The following COG5 variants were observed in gnomAD, a reference collection of about 807,000 sequenced individuals.
The protein encoded by COG5 is conserved oligomeric Golgi complex subunit 5.
In COG5, 86 loss-of-function variants were observed where a neutral mutation model predicts 110.4. That is an observed-to-expected ratio of 0.78 (90% CI 0.65 to 0.93). COG5 has a LOEUF of 0.93. Among genes scored for constraint, COG5 ranks in the 40% least tolerant of loss-of-function variants. The pLI is 0.00. For missense variants in COG5, 1,077 were observed against 987.0 expected (o/e 1.09, Z -1.22); for synonymous variants, 360 against 334.6 (o/e 1.08, Z -0.83).
intron 7 of COG5, among the ~76,000 whole-genome samples, chr7:107,388,002 TGGTAATAATCAA>T (rs983221916): frequency 1.3e-5 from 2 of 152,254 alleles, no homozygotes; most frequent in African/African-American, 2.4e-5. Context: ...CATTGGCTTA[TGGTAATAATCAA>T]GCAGACCTTC....
At chr7:107,478,324 TA>T (rs1228864168) in intron 6 of COG5, among the ~76,000 whole-genome samples, 1 of 151,972 alleles carries the variant, frequency 6.6e-6, no homozygotes, top group Admixed American at 6.6e-5. Flanking sequence ...CCATTCATGA[TA>T]ATTCTGTACT....
intron 8 of COG5, among the ~76,000 whole-genome samples, chr7:107,369,384 C>CTTTTTTTT (rs567770114): frequency 2.9e-5 from 3 of 103,162 alleles, no homozygotes; most frequent in Non-Finnish European, 3.7e-5. Flanking sequence ...AACAAAAATT[C>CTTTTTTTT]TTTTTTTTTT....
At chr7:107,444,959 G>C (rs533347257) in intron 6 of COG5, among the ~76,000 whole-genome samples, 1 of 152,084 alleles carries the variant, frequency 6.6e-6, no homozygotes, top group Non-Finnish European at 1.5e-5. Flanking sequence ...AGGCCAAGGC[G>C]GGGGAACTGT....
At chr7:107,489,661 T>G (rs1797866291) in intron 6 of COG5, among the ~76,000 whole-genome samples, 1 of 152,200 alleles carries the variant, frequency 6.6e-6, no homozygotes. Context: ...TACTTCAGAA[T>G]GCACGTTAAG....
At chr7:107,334,342 A>G (rs1810525645) in intron 10 of COG5, among the ~76,000 whole-genome samples, 1 of 152,204 alleles carries the variant, frequency 6.6e-6, no homozygotes, top group Admixed American at 6.5e-5. Context: ...AGCAGAAGCT[A>G]AAGAAGTTGA....
Position 107,557,972 on chromosome 7 carries a change from T to C in COG5, c.234+4A>G. 6.2e-7 allele frequency: 1 copy of C among 1,613,968 alleles called. No individual in the cohort carries two copies. The highest frequency in any genetic ancestry group is 8.5e-7 in the Non-Finnish European group (1 of 1,179,918). ...TCCATAGGGACCCAGAAGATCAGAATTACCTGTAAGTGTAGTTCTCTGTCC... is the reference window on the plus strand; with the variant it reads ...TCCATAGGGACCCAGAAGATCAGAACTACCTGTAAGTGTAGTTCTCTGTCC... On this transcript the variant is annotated splice_donor_region_variant and intron_variant, in intron 2 of 21. Coordinates refer to ENST00000297135, the MANE Select transcript of COG5 (RefSeq NM_006348.5).
intron 14 of COG5, among the ~76,000 whole-genome samples, chr7:107,267,231 T>C (rs1401888906): frequency 6.6e-6 from 1 of 152,172 alleles, no homozygotes; most frequent in Non-Finnish European, 1.5e-5. Context: ...TCATTAACCT[T>C]CTCTAGATTA....
intron 6 of COG5, among the ~76,000 whole-genome samples, chr7:107,425,305 C>T (rs1291544460): frequency 6.8e-6 from 1 of 147,654 alleles, no homozygotes; most frequent in African/African-American, 2.5e-5. Flanking sequence ...TAGTATAAAG[C>T]ACTTACAAGC....
At chr7:107,521,180 G>C (rs6466174) in intron 6 of COG5, among the ~76,000 whole-genome samples, 91,555 of 152,024 alleles carry the variant, frequency 0.6, 30,263 homozygotes, top group African/African-American at 0.9. Flanking sequence ...AAACCCAAAA[G>C]TATAAAAACG....
At chr7:107,271,164 T>C (rs1287693764) in intron 14 of COG5, among the ~76,000 whole-genome samples, 3 of 152,092 alleles carry the variant, frequency 2.0e-5, no homozygotes, top group Non-Finnish European at 2.9e-5. Flanking sequence ...GAAAGATCCC[T>C]TGAGCTCACG....
chr7:107,302,682 T>A (rs2116942463), intron 11 of COG5, among the ~76,000 whole-genome samples: 2 of 152,282 alleles, frequency 1.3e-5, no homozygotes, highest in East Asian at 3.9e-4. Context: ...AGGCCCTGGG[T>A]TTGCTCTTGT....
intron 6 of COG5, among the ~76,000 whole-genome samples, chr7:107,488,175 A>T (rs931432810): frequency 2.6e-5 from 4 of 151,976 alleles, no homozygotes; most frequent in South Asian, 2.1e-4. Flanking sequence ...AAAAAATTTT[A>T]AAATATAGCA....
intron 21 of COG5, among the ~76,000 whole-genome samples, chr7:107,204,333 T>C (rs1256466963): frequency 1.3e-5 from 2 of 152,196 alleles, no homozygotes; most frequent in African/African-American, 2.4e-5. Flanking sequence ...AGTTGAATAG[T>C]TGAGGCAGAG....
chr7:107,253,793 T>C (rs1218749597), intron 16 of COG5, among the ~76,000 whole-genome samples: 2 of 152,146 alleles, frequency 1.3e-5, no homozygotes, highest in Non-Finnish European at 2.9e-5. Context: ...TCTGTGACTA[T>C]TACAAGCCTG....
intron 19 of COG5, among the ~76,000 whole-genome samples, chr7:107,229,047 C>T (rs762769085): frequency 1.3e-5 from 2 of 151,996 alleles, no homozygotes; most frequent in Non-Finnish European, 2.9e-5. Flanking sequence ...CCATTATGCA[C>T]TTGGATATTA....
At chr7:107,229,844 TG>T (rs1481928866) in intron 19 of COG5, among the ~76,000 whole-genome samples, 3 of 150,942 alleles carry the variant, frequency 2.0e-5, no homozygotes, top group African/African-American at 4.9e-5. Context: ...TTTTGGTTTT[TG>T]TTTTTTTTTT....
chr7:107,457,943 A>G (rs1220159155), intron 6 of COG5, among the ~76,000 whole-genome samples: 2 of 152,198 alleles, frequency 1.3e-5, no homozygotes, highest in Non-Finnish European at 2.9e-5. Flanking sequence ...ACACCACGGT[A>G]CATCACAATG....
At chr7:107,412,076 A>T (rs993034887) in intron 7 of COG5, among the ~76,000 whole-genome samples, 1 of 152,128 alleles carries the variant, frequency 6.6e-6, no homozygotes, top group East Asian at 1.9e-4. Context: ...TTGAATCCAA[A>T]CTAAATAATT....
intron 12 of COG5, among the ~76,000 whole-genome samples, chr7:107,295,231 C>T (rs1176979373): frequency 4.0e-5 from 6 of 149,342 alleles, no homozygotes; most frequent in African/African-American, 1.2e-4. Flanking sequence ...GCCACCACAC[C>T]GTACCCAGTC....
Sources: gnomAD v4.1 joint callset for allele counts (sites outside exome capture counted in the v4.1 genomes callset) on GRCh38, gnomAD v4.1.1 for gene constraint, MANE v1.5 for transcripts, NCBI Gene and HGNC (gene_info 2026-07-23, HGNC 2026-07-21) for gene names.